CDYL: variants seen among roughly 807,000 people sequenced by gnomAD.
CDYL encodes chromodomain Y like.
CDYL carries 8 observed loss-of-function variants against 47.3 expected under a neutral mutation model. The ratio of observed to expected loss-of-function variants is 0.17; its 90% CI spans 0.10 to 0.31. The LOEUF (loss-of-function observed/expected upper bound fraction) is 0.31, where lower values mean the gene tolerates loss of function less well. CDYL is among the 10% of genes least tolerant of loss of function. The pLI is 1.00. For missense variants in CDYL, 471 were observed against 701.4 expected (o/e 0.67, Z 3.71); for synonymous variants, 266 against 265.0 (o/e 1.00, Z -0.04).
intron 1 of CDYL, among the ~76,000 whole-genome samples, chr6:4,837,327 A>G (rs1269226123): frequency 6.6e-6 from 1 of 152,206 alleles, no homozygotes; most frequent in African/African-American, 2.4e-5. Context: ...TGACCAATAC[A>G]TTTGTTGTAG....
chr6:4,945,147 G>C (rs1181797719), intron 5 of CDYL, among the ~76,000 whole-genome samples: 1 of 152,208 alleles, frequency 6.6e-6, no homozygotes, highest in East Asian at 1.9e-4. Flanking sequence ...GAAAGGACAA[G>C]AGTGGGAAGG....
chr6:4,710,564 G>A (rs1757133171), intron 1 of CDYL, among the ~76,000 whole-genome samples: 1 of 151,966 alleles, frequency 6.6e-6, no homozygotes, highest in African/African-American at 2.4e-5. Flanking sequence ...AAACAGGGAG[G>A]GAGGGAGGGA....
At chr6:4,707,919 C>T (rs1757075632) in intron 1 of CDYL, among the ~76,000 whole-genome samples, 1 of 151,422 alleles carries the variant, frequency 6.6e-6, no homozygotes, top group African/African-American at 2.4e-5. Context: ...TTTTTTAGTC[C>T]AAATGTTATT....
rs1403826129 is a variant in CDYL, at chr6:4,852,528, CTTCCAATCTTCCTTCCT to C, written c.25-39183_25-39167del. 8.5e-5 allele frequency among the ~76,000 whole-genome samples: 10 copies of C among 117,636 alleles called. 1 individual carries two copies. Among genetic ancestry groups the C allele is most frequent in the African/African-American group, 4.1e-4 (10 of 24,322 alleles). 77.2% of individuals were successfully genotyped at this position (117,636 alleles called of 152,430 possible). A position where few individuals can be genotyped will look rare whatever the true frequency, so the allele number is the denominator to read the frequency against. ...CCTTCCTTCCAATCTTCCTTCCTTC[CTTCCAATCTTCCTTCCT>C]TCCTTCCTTCCTTCCAATCTTCCTT... On this transcript the variant is annotated intron_variant, in intron 1 of 6. Transcript: ENST00000397588.
At chr6:4,862,065 T>A (rs1761184868) in intron 1 of CDYL, among the ~76,000 whole-genome samples, 1 of 152,264 alleles carries the variant, frequency 6.6e-6, no homozygotes, top group African/African-American at 2.4e-5. Context: ...CAAAAAGAAC[T>A]GTCAGACTCC....
chr6:4,802,815 T>C (rs770979905), intron 1 of CDYL, among the ~76,000 whole-genome samples: 1 of 129,220 alleles, frequency 7.7e-6, no homozygotes, highest in Non-Finnish European at 1.6e-5. Flanking sequence ...AATTAGGTTG[T>C]GTGCACTTGT....
In CDYL at chr6:4,822,827, G is replaced by A. The variant is rs145811404; in HGVS notation, c.24+46020G>A. On this transcript the variant is annotated intron_variant, in intron 1 of 6. Coordinates refer to ENST00000397588, the MANE Select transcript of CDYL (RefSeq NM_004824.4). ...CAACAACAAAACCGTCCTGTGTTTT[G>A]TTGTTCAGATGTGACCCCACAGGTC... Among the ~76,000 whole-genome samples, 620 of 152,328 alleles carry A rather than the reference G, an allele frequency of 4.1e-3. 1 individual carries two copies. The highest frequency in any genetic ancestry group is 0.014 in the African/African-American group (579 of 41,572).
chr6:4,945,779 G>A (rs980870511), intron 5 of CDYL, among the ~76,000 whole-genome samples: 1 of 152,234 alleles, frequency 6.6e-6, no homozygotes, highest in African/African-American at 2.4e-5. Flanking sequence ...GCTGTGGCAG[G>A]TGCTATATGT....
At chr6:4,879,457 G>A (rs1046679210) in intron 1 of CDYL, among the ~76,000 whole-genome samples, 1 of 151,700 alleles carries the variant, frequency 6.6e-6, no homozygotes, top group Non-Finnish European at 1.5e-5. Context: ...AGTTTACTTC[G>A]GTAAACACCA....
At chr6:4,908,225 C>CA (rs1270036135) in intron 2 of CDYL, among the ~76,000 whole-genome samples, 1 of 152,164 alleles carries the variant, frequency 6.6e-6, no homozygotes, top group Non-Finnish European at 1.5e-5. Context: ...TCCTGGGAGC[C>CA]ATTCAGAACC....
intron 1 of CDYL, among the ~76,000 whole-genome samples, chr6:4,884,943 G>A (rs1464208933): frequency 3.9e-5 from 6 of 152,066 alleles, no homozygotes; most frequent in African/African-American, 9.7e-5. Context: ...TCAGTTACCC[G>A]TGTTCAACCA....
At chr6:4,935,053 A>G (rs1048012693) in intron 2 of CDYL, among the ~76,000 whole-genome samples, 4 of 152,222 alleles carry the variant, frequency 2.6e-5, no homozygotes, top group Non-Finnish European at 5.9e-5. Flanking sequence ...CCCGCAGAGA[A>G]GGCTGGCTGC....
chr6:4,740,609 T>C (rs1273314109), intron 3 of CDYL, among the ~76,000 whole-genome samples: 2 of 152,148 alleles, frequency 1.3e-5, no homozygotes, highest in South Asian at 2.1e-4. Flanking sequence ...TTTTTATAAA[T>C]TATCAGACAA....
At position 4,895,057 on chromosome 6, in the gene CDYL, A is replaced by G. The variant is rs957371524; in HGVS notation, c.691+2678A>G. ...TATATGTATCTATATACACATGTAC[A>G]TATGGGTATATATGTATCTATATGC... On this transcript the variant is annotated intron_variant, in intron 2 of 6. Transcript: ENST00000397588. Among the ~76,000 whole-genome samples the G allele has an allele frequency of 1.5e-5, 2 of 133,664 alleles. 1 individual carries two copies. Among genetic ancestry groups the G allele is most frequent in the Admixed American group, 1.6e-4 (2 of 12,464 alleles). 87.7% of individuals were successfully genotyped at this position (133,664 alleles called of 152,430 possible).
At chr6:4,719,695 T>G (rs1397868518) in intron 2 of CDYL, among the ~76,000 whole-genome samples, 1 of 152,138 alleles carries the variant, frequency 6.6e-6, no homozygotes, top group Non-Finnish European at 1.5e-5. Flanking sequence ...AAGTCAACCA[T>G]TAGCACCCAG....
chr6:4,723,039 A>G (rs1757401425), intron 2 of CDYL, among the ~76,000 whole-genome samples: 1 of 152,212 alleles, frequency 6.6e-6, no homozygotes, highest in African/African-American at 2.4e-5. Flanking sequence ...TTCTGTGTAT[A>G]AAGTACAGGC....
At chr6:4,827,609 A>G (rs78302289) in intron 1 of CDYL, among the ~76,000 whole-genome samples, 3,976 of 152,288 alleles carry the variant, frequency 0.026, 58 homozygotes, top group Middle Eastern at 0.082. Context: ...TATTTTATGC[A>G]TTGTGTGCTC....
intron 3 of CDYL, among the ~76,000 whole-genome samples, chr6:4,936,048 C>T (rs1758182699): frequency 6.6e-6 from 1 of 152,222 alleles, no homozygotes; most frequent in African/African-American, 2.4e-5. Context: ...CTCTGTGGTT[C>T]ACCTCCTGCC....
intron 2 of CDYL, among the ~76,000 whole-genome samples, chr6:4,931,727 G>A (rs2127517130): frequency 6.6e-6 from 1 of 152,218 alleles, no homozygotes; most frequent in South Asian, 2.1e-4. Flanking sequence ...ATTACATTGG[G>A]GTGGGGTGTG....
Sources: gnomAD v4.1 joint callset for allele counts (sites outside exome capture counted in the v4.1 genomes callset) on GRCh38, gnomAD v4.1.1 for gene constraint, MANE v1.5 for transcripts, NCBI Gene and HGNC (gene_info 2026-07-23, HGNC 2026-07-21) for gene names.